Variants in NLK observed in about 807,000 individuals in gnomAD.
NLK encodes the protein serine/threonine-protein kinase NLK.
NLK carries 11 observed loss-of-function variants against 59.0 expected under a neutral mutation model. That is an observed-to-expected ratio of 0.19 (90% confidence interval 0.12 to 0.31). NLK has a LOEUF of 0.31. NLK is among the 10% of genes least tolerant of loss of function. NLK has a pLI of 1.00. For missense variants in NLK, 410 were observed against 661.1 expected, an observed-to-expected ratio of 0.62 and a Z score of 4.16; for synonymous variants, 235 against 235.9, an observed-to-expected ratio of 1.00 and a Z score of 0.03.
chr17:28,067,680 A>G (rs1909878216), intron 1 of NLK, among the ~76,000 whole-genome samples: 1 of 152,080 alleles, frequency 6.6e-6, no homozygotes, highest in Non-Finnish European at 1.5e-5. Context: ...CTGGTCAAAC[A>G]TGATGCAACT....
chr17:28,154,324 G>A (rs1252491021), intron 3 of NLK, among the ~76,000 whole-genome samples: 3 of 152,140 alleles, frequency 2.0e-5, no homozygotes, highest in Non-Finnish European at 4.4e-5. Flanking sequence ...CCCTGCTGGA[G>A]ACTAAAAGTT....
chr17:28,204,409 T>G, the NLK span, among the ~76,000 whole-genome samples: 1 of 152,220 alleles, frequency 6.6e-6, no homozygotes, highest in Non-Finnish European at 1.5e-5. Context: ...GGAACTGCTT[T>G]CTTCTTTGAT....
At chr17:28,135,490 T>C (rs1029674596) in intron 3 of NLK, among the ~76,000 whole-genome samples, 5 of 152,194 alleles carry the variant, frequency 3.3e-5, no homozygotes, top group Admixed American at 6.5e-5. Context: ...TAGCATAAAC[T>C]ATCTGGCATG....
intron 1 of NLK, among the ~76,000 whole-genome samples, chr17:28,115,589 C>T (rs1011243980): frequency 3.3e-5 from 5 of 152,044 alleles, no homozygotes; most frequent in East Asian, 1.9e-4. Context: ...TTTTCAAAAC[C>T]GACCTATCCT....
chr17:28,093,549 T>C (rs1267198456), intron 1 of NLK, among the ~76,000 whole-genome samples: 3 of 152,224 alleles, frequency 2.0e-5, no homozygotes, highest in Admixed American at 2.0e-4. Context: ...TTGTAATTGC[T>C]GCTTCACAGA....
At chr17:28,129,384 C>A (rs1906422888) in intron 2 of NLK, among the ~76,000 whole-genome samples, 1 of 152,074 alleles carries the variant, frequency 6.6e-6, no homozygotes, top group Non-Finnish European at 1.5e-5. Flanking sequence ...ATCCAGGAGG[C>A]AGAGGTTGCA....
chr17:28,107,401 C>T (rs1257235142), intron 1 of NLK, among the ~76,000 whole-genome samples: 3 of 151,672 alleles, frequency 2.0e-5, no homozygotes, highest in African/African-American at 7.3e-5. Flanking sequence ...CACCATTGCA[C>T]TCCAGCTGGG....
intron 2 of NLK, among the ~76,000 whole-genome samples, chr17:28,126,099 C>A (rs1004966002): frequency 5.3e-5 from 8 of 152,154 alleles, no homozygotes; most frequent in African/African-American, 1.9e-4. Flanking sequence ...GTTGTCTTTA[C>A]CTTCAAATAG....
At chr17:28,145,365 C>T (rs551740845) in intron 3 of NLK, among the ~76,000 whole-genome samples, 19 of 152,130 alleles carry the variant, frequency 1.2e-4, no homozygotes, top group African/African-American at 2.9e-4. Flanking sequence ...GACTAAGAAA[C>T]GCTTCAGGTT....
downstream of NLK, among the ~76,000 whole-genome samples, chr17:28,199,345 C>T (rs1909561471): frequency 6.6e-6 from 1 of 152,032 alleles, no homozygotes; most frequent in Non-Finnish European, 1.5e-5. Context: ...TGCCTGTAAT[C>T]CCAGCTATTT....
intron 5 of NLK, among the ~76,000 whole-genome samples, chr17:28,167,897 G>A (rs1477013819): frequency 6.6e-6 from 1 of 151,988 alleles, no homozygotes; most frequent in East Asian, 1.9e-4. Flanking sequence ...ACTGAAAACA[G>A]ACATGTTTTT....
intron 1 of NLK, chr17:28,116,226 C>A: frequency 5.8e-6 from 1 of 171,672 alleles, no homozygotes; most frequent in Non-Finnish European, 1.3e-5. Flanking sequence ...ATTCATTCAA[C>A]AAAGATCATT....
intron 2 of NLK, 67 bp downstream of exon 2, chr17:28,122,799 G>C: frequency 1.9e-6 from 3 of 1,575,298 alleles, no homozygotes; most frequent in Non-Finnish European, 2.6e-6. Context: ...GTAAAGAGCA[G>C]ATGAAAGTTT....
At chr17:28,199,695 C>CAAAA (rs61425914), downstream of NLK, among the ~76,000 whole-genome samples, 62 of 94,774 alleles carry the variant, frequency 6.5e-4, no homozygotes, top group South Asian at 1.4e-3. Flanking sequence ...CAAAACAAAA[C>CAAAA]AAAAAAAAAA....
chr17:28,162,107 C>T (rs909409832), intron 4 of NLK, among the ~76,000 whole-genome samples: 2 of 152,060 alleles, frequency 1.3e-5, no homozygotes, highest in African/African-American at 4.8e-5. Flanking sequence ...GATTCGCCTC[C>T]CAGGTTCACG....
intron 8 of NLK, 56 bp downstream of exon 8, chr17:28,185,321 G>T: frequency 9.0e-7 from 1 of 1,109,698 alleles, no homozygotes. Flanking sequence ...ATGTGTTCGA[G>T]AGAAACATTG....
intron 3 of NLK, among the ~76,000 whole-genome samples, chr17:28,138,614 A>G (rs755933733): frequency 2.0e-5 from 3 of 152,202 alleles, no homozygotes; most frequent in Non-Finnish European, 4.4e-5. Context: ...ACTAAGAACA[A>G]TGGAAACAAA....
chr17:28,182,223 C>A (rs1215505627), intron 7 of NLK, among the ~76,000 whole-genome samples: 1 of 152,196 alleles, frequency 6.6e-6, no homozygotes, highest in East Asian at 1.9e-4. Flanking sequence ...TGAATAATTA[C>A]CTCCTGATGA....
chr17:28,149,318 C>A (rs1481108213), intron 3 of NLK, among the ~76,000 whole-genome samples: 1 of 152,166 alleles, frequency 6.6e-6, no homozygotes. Context: ...CCTGCCTCGG[C>A]CTCCCAAAGT....
Sources: allele counts gnomAD v4.1 joint callset (sites outside exome capture counted in the v4.1 genomes callset), GRCh38; gene constraint gnomAD v4.1.1; transcripts MANE v1.5; gene names NCBI Gene and HGNC (gene_info 2026-07-23, HGNC 2026-07-21).